Variants in RDX observed in about 807,000 individuals in gnomAD.
The protein encoded by RDX is radixin, also known as deafness, autosomal recessive 24.
In RDX, 32 loss-of-function variants were observed where a neutral mutation model predicts 83.7. That is an observed-to-expected ratio of 0.38 (90% CI 0.29 to 0.51). The LOEUF is 0.51. RDX is among the 20% of genes least tolerant of loss of function. The pLI is 0.87. For synonymous variants in RDX, 229 were observed against 222.7 expected (o/e 1.03, Z -0.25); for missense variants, 600 against 689.9 (o/e 0.87, Z 1.46).
At chr11:110,177,709 C>T (rs1470841493) in intron 15 of RDX, among the ~76,000 whole-genome samples, 1 of 152,084 alleles carries the variant, frequency 6.6e-6, no homozygotes, top group African/African-American at 2.4e-5. Flanking sequence ...GTCTCGAACT[C>T]CTGACCTCAG....
chr11:110,211,508 C>T (rs1440360250), intron 14 of RDX, among the ~76,000 whole-genome samples: 16 of 151,676 alleles, frequency 1.1e-4, no homozygotes, highest in African/African-American at 3.6e-4. Flanking sequence ...CAGAACTCTC[C>T]ACCCCAAATC....
chr11:110,211,279 G>A (rs1863826597), intron 14 of RDX, among the ~76,000 whole-genome samples: 1 of 152,196 alleles, frequency 6.6e-6, no homozygotes, highest in Non-Finnish European at 1.5e-5. Flanking sequence ...AGCAAGAAGA[G>A]CTAACTATCC....
chr11:110,292,646 T>C (rs182890426), intron 1 of RDX, among the ~76,000 whole-genome samples: 4 of 151,334 alleles, frequency 2.6e-5, no homozygotes, highest in Admixed American at 2.0e-4. Flanking sequence ...TTTTCACAAA[T>C]AAATTAAAAA....
chr11:110,189,242 G>GAAAAAAAAAAAAAA (rs1565282257), intron 15 of RDX, among the ~76,000 whole-genome samples: 2 of 37,988 alleles, frequency 5.3e-5, no homozygotes, highest in African/African-American at 1.2e-4. Context: ...TGAACAACAG[G>GAAAAAAAAAAAAAA]TAAAAAAAAA....
At position 110,260,424 on chromosome 11, in the gene RDX, T is replaced by G. The variant is rs115341290; in HGVS notation, c.468-2235A>C. On this transcript the variant is annotated intron_variant, in intron 5 of 13. Coordinates refer to ENST00000645495, the MANE Select transcript of RDX (RefSeq NM_002906.4). ...AAGTATTCTTTTACCTTGGCTTCCA[T>G]GATATAATACTCTTCTGGTATTATT... Among the ~76,000 whole-genome samples the G allele has an allele frequency of 6.4e-3, 967 of 152,264 alleles. 11 individuals carry two copies. The highest frequency in any genetic ancestry group is 0.021 in the African/African-American group (872 of 41,544).
chr11:110,210,268 C>T (rs1408458020), intron 14 of RDX, among the ~76,000 whole-genome samples: 7 of 133,820 alleles, frequency 5.2e-5, no homozygotes, highest in Middle Eastern at 3.5e-3. Context: ...TGAAATGAAG[C>T]GAGAAGGGAA....
intron 14 of RDX, among the ~76,000 whole-genome samples, chr11:110,219,531 TGTGG>T (rs1864173537): frequency 2.0e-5 from 3 of 152,198 alleles, no homozygotes; most frequent in Non-Finnish European, 2.9e-5. Flanking sequence ...CAGGCAATCC[TGTGG>T]GTGGAACACT....
Position 110,264,252 on chromosome 11 carries a change from A to T in RDX, c.193-18T>A. On this transcript the variant is annotated intron_variant, in intron 4 of 13. Transcript: ENST00000645495. ...TGTGTTACCTGGAAAAATAATTTCA[A>T]GTATAATCAACAAAAATCTTAAGTT... The T allele has an allele frequency of 6.4e-7, 1 of 1,566,832 alleles. No homozygotes were observed. Among genetic ancestry groups the T allele is most frequent in the Non-Finnish European group, 8.7e-7 (1 of 1,149,604 alleles).
intron 15 of RDX, among the ~76,000 whole-genome samples, chr11:110,193,560 T>C (rs1044848536): frequency 6.6e-6 from 1 of 152,176 alleles, no homozygotes; most frequent in Admixed American, 6.5e-5. Flanking sequence ...TAAACTATTT[T>C]CTCCTCTCAA....
intron 10 of RDX, among the ~76,000 whole-genome samples, chr11:110,247,456 C>T (rs1265485785): frequency 6.6e-6 from 1 of 151,936 alleles, no homozygotes; most frequent in Non-Finnish European, 1.5e-5. Context: ...AAAATATTTG[C>T]ATGTTTAAAA....
chr11:110,239,879 G>A (rs1267705681), intron 10 of RDX, among the ~76,000 whole-genome samples: 1 of 150,960 alleles, frequency 6.6e-6, no homozygotes, highest in East Asian at 1.9e-4. Flanking sequence ...AGATGCTGGC[G>A]GGGATGTAGA....
At chr11:110,188,732 G>GCTAT (rs1286168258) in intron 15 of RDX, among the ~76,000 whole-genome samples, 1 of 152,130 alleles carries the variant, frequency 6.6e-6, no homozygotes, top group African/African-American at 2.4e-5. Context: ...CAACAAAGAT[G>GCTAT]CTATATCCTA....
At chr11:110,191,290 T>C (rs929430517) in intron 15 of RDX, among the ~76,000 whole-genome samples, 12 of 152,188 alleles carry the variant, frequency 7.9e-5, no homozygotes, top group Non-Finnish European at 7.3e-5. Flanking sequence ...TCAATAAATA[T>C]GATTCACCAG....
In RDX at chr11:110,218,207, T is replaced by C. The variant is rs1864124905; in HGVS notation, c.1748+13666A>G. 2.0e-5 allele frequency among the ~76,000 whole-genome samples: 3 copies of C among 152,246 alleles called. No individual in the cohort carries two copies. The South Asian group carries it at 6.2e-4, about 31-fold the overall frequency. On this transcript the variant is annotated intron_variant, in intron 14 of 15. Coordinates refer to the RDX transcript ENST00000528498. Reference sequence around the variant, plus strand: ...TAGAGACAGCATTTTCTTGTTCTTGTTATTCTTGGAGCATAAGAATTATGT... The same window carrying C: ...TAGAGACAGCATTTTCTTGTTCTTGCTATTCTTGGAGCATAAGAATTATGT...
chr11:110,280,532 C>T (rs888320324), intron 1 of RDX, among the ~76,000 whole-genome samples: 6 of 152,208 alleles, frequency 3.9e-5, no homozygotes, highest in African/African-American at 9.6e-5. Flanking sequence ...TACAGGCATG[C>T]GCCACTGCGC....
chr11:110,223,030 T>C (rs7951716), intron 14 of RDX, among the ~76,000 whole-genome samples: 2,085 of 152,246 alleles, frequency 0.014, 52 homozygotes, highest in African/African-American at 0.047. Flanking sequence ...CGATTATATG[T>C]CCTTCAACAG....
chr11:110,211,368 C>T (rs983604333), intron 14 of RDX, among the ~76,000 whole-genome samples: 3 of 151,504 alleles, frequency 2.0e-5, no homozygotes, highest in African/African-American at 7.3e-5. Flanking sequence ...GACTTAGACT[C>T]CCACACATTA....
At chr11:110,189,273 AGGGCATTAC>A (rs1863058967) in intron 15 of RDX, among the ~76,000 whole-genome samples, 6 of 146,252 alleles carry the variant, frequency 4.1e-5, no homozygotes, top group African/African-American at 1.1e-4. Flanking sequence ...AAAAAAGACA[AGGGCATTAC>A]ATAATGACAA....
intron 3 of RDX, among the ~76,000 whole-genome samples, chr11:110,266,352 A>T (rs1591167906): frequency 6.6e-6 from 1 of 152,062 alleles, no homozygotes; most frequent in African/African-American, 2.4e-5. Flanking sequence ...AAGAAAATAA[A>T]GTAAGAGTAA....
Sources: allele counts gnomAD v4.1 joint callset (sites outside exome capture counted in the v4.1 genomes callset), GRCh38; gene constraint gnomAD v4.1.1; transcripts MANE v1.5; gene names NCBI Gene and HGNC (gene_info 2026-07-23, HGNC 2026-07-21).